The following SPATA6 variants were observed in gnomAD, a reference collection of about 807,000 sequenced individuals.
The protein encoded by SPATA6 is spermatogenesis associated 6.
In SPATA6, 56 loss-of-function variants were observed where a neutral mutation model predicts 65.3. The observed-to-expected ratio is 0.86, with a 90% CI of 0.69 to 1.07. The LOEUF (loss-of-function observed/expected upper bound fraction) is 1.07, where lower values mean the gene tolerates loss of function less well. SPATA6 is among the 50% of genes least tolerant of loss of function. The pLI is 0.00. For synonymous variants in SPATA6, 199 were observed against 213.2 expected, an observed-to-expected ratio of 0.93 and a Z score of 0.58; for missense variants, 590 against 594.8, an observed-to-expected ratio of 0.99 and a Z score of 0.08.
At chr1:48,322,322 G>A (rs778149667) in intron 11 of SPATA6, among the ~76,000 whole-genome samples, 13 of 152,156 alleles carry the variant, frequency 8.5e-5, no homozygotes, top group Non-Finnish European at 1.6e-4. Flanking sequence ...ATAGGGAAAT[G>A]ATTCCCTATA....
chr1:48,413,230 A>G (rs1186233548), intron 3 of SPATA6, 79 bp from the exon 4 acceptor site: 4 of 670,774 alleles, frequency 6.0e-6, no homozygotes, highest in Non-Finnish European at 9.0e-6. Context: ...GGGAGTGTCT[A>G]AAAGCCAAAG....
intron 9 of SPATA6, among the ~76,000 whole-genome samples, chr1:48,371,221 G>C (rs1047899285): frequency 1.3e-5 from 2 of 151,964 alleles, no homozygotes; most frequent in African/African-American, 2.4e-5. Context: ...ACAGGTGCTG[G>C]AAACAGCATT....
intron 9 of SPATA6, among the ~76,000 whole-genome samples, chr1:48,381,305 T>C (rs1052407055): frequency 6.6e-6 from 1 of 152,146 alleles, no homozygotes; most frequent in African/African-American, 2.4e-5. Context: ...AATCCTTAGA[T>C]AGATGGCAAA....
chr1:48,355,152 G>A (rs1253828531), intron 11 of SPATA6, among the ~76,000 whole-genome samples: 1 of 152,058 alleles, frequency 6.6e-6, no homozygotes, highest in Non-Finnish European at 1.5e-5. Flanking sequence ...ATGCTTATCT[G>A]CTTTTTCTCA....
chr1:48,352,596 G>A (rs1646541673), intron 11 of SPATA6, among the ~76,000 whole-genome samples: 2 of 151,962 alleles, frequency 1.3e-5, no homozygotes, highest in Admixed American at 1.3e-4. Flanking sequence ...ACATTTTAAA[G>A]ATTTTTATAT....
chr1:48,278,979 T>C, the SPATA6 span, among the ~76,000 whole-genome samples: 81 of 152,260 alleles, frequency 5.3e-4, no homozygotes, highest in African/African-American at 1.9e-3. Context: ...TAACAGCGGA[T>C]CTCTCGGCAG....
chr1:48,265,083 T>C, the SPATA6 span, among the ~76,000 whole-genome samples: 3 of 152,150 alleles, frequency 2.0e-5, no homozygotes, highest in Non-Finnish European at 2.9e-5. Flanking sequence ...GAATCCTTCA[T>C]CATATCTTTC....
intron 5 of SPATA6, among the ~76,000 whole-genome samples, chr1:48,405,485 T>G (rs1651615141): frequency 1.3e-5 from 2 of 152,184 alleles, no homozygotes; most frequent in Non-Finnish European, 2.9e-5. Flanking sequence ...ACTGAAAACT[T>G]GACTGGAGTT....
intron 5 of SPATA6, among the ~76,000 whole-genome samples, chr1:48,409,937 A>G (rs1652058179): frequency 1.3e-5 from 2 of 152,232 alleles, no homozygotes; most frequent in South Asian, 4.1e-4. Flanking sequence ...GGTCTCTGAC[A>G]TGCCCTGGAG....
chr1:48,345,528 A>G (rs1646339681), intron 11 of SPATA6, among the ~76,000 whole-genome samples: 2 of 152,084 alleles, frequency 1.3e-5, no homozygotes, highest in Admixed American at 6.6e-5. Flanking sequence ...GACACGAAAA[A>G]CCATTCAAAA....
chr1:48,370,391 G>C lies in SPATA6; in HGVS notation c.910-10621C>G, dbSNP rs539439411. On this transcript the variant is annotated intron_variant, in intron 9 of 12. Coordinates refer to ENST00000371847, the MANE Select transcript of SPATA6 (RefSeq NM_019073.4). ...TATGGTTCTGAAAGGGGAAAAAGTA[G>C]ATATGGGTAACTGAAATCACTTTCT... Among the ~76,000 whole-genome samples, 4 of 152,332 alleles carry C rather than the reference G, an allele frequency of 2.6e-5. No individual in the cohort carries two copies. In the South Asian group the frequency reaches 6.2e-4, roughly 24 times the overall value.
At position 48,341,659 on chromosome 1, in the gene SPATA6, A is replaced by G. The variant is rs186981771; in HGVS notation, c.1194+14011T>C. 3.2e-3 allele frequency among the ~76,000 whole-genome samples: 494 copies of G among 152,328 alleles called. 4 individuals carry two copies. The highest frequency in any genetic ancestry group is 5.3e-3 in the Non-Finnish European group (361 of 68,022). On this transcript the variant is annotated intron_variant, in intron 11 of 12. Coordinates refer to ENST00000371847, the MANE Select transcript of SPATA6 (RefSeq NM_019073.4). ...AAGTTCTTGACTTGGAAAGAAAAAA[A>G]CATGGTTTCTGAGAGTGCTATAATC... is the stretch of plus-strand genomic sequence containing the variant.
At chr1:48,336,235 A>G (rs1342193023) in intron 11 of SPATA6, among the ~76,000 whole-genome samples, 1 of 152,030 alleles carries the variant, frequency 6.6e-6, no homozygotes, top group Non-Finnish European at 1.5e-5. Flanking sequence ...CTTCTCAAAA[A>G]CCTAAAACAG....
At chr1:48,356,198 AGAT>A (rs977973126) in intron 10 of SPATA6, among the ~76,000 whole-genome samples, 1 of 152,170 alleles carries the variant, frequency 6.6e-6, no homozygotes, top group Non-Finnish European at 1.5e-5. Context: ...TTTTCAACAC[AGAT>A]GATATTATCT....
rs972898838 is a variant in SPATA6 at position 48,325,625 on chromosome 1, G to C, written c.1195-19747C>G. 6.8e-6 allele frequency: 5 copies of C among 738,866 alleles called. No individual in the cohort carries two copies. The African/African-American group carries it at 8.8e-5, about 13-fold the overall frequency. 45.8% of individuals were successfully genotyped at this position (738,866 alleles called of 1,614,324 possible). ...CTTGTTGTGGGCAGTGTTGAACTATGTCAGGTTATCAAGCTTAGTTTCCTC... is the reference window on the plus strand; with the variant it reads ...CTTGTTGTGGGCAGTGTTGAACTATCTCAGGTTATCAAGCTTAGTTTCCTC... On this transcript the variant is annotated intron_variant, in intron 11 of 12. Coordinates refer to ENST00000371847, the MANE Select transcript of SPATA6 (RefSeq NM_019073.4).
At chr1:48,267,971 T>G in the SPATA6 span, among the ~76,000 whole-genome samples, 66 of 152,036 alleles carry the variant, frequency 4.3e-4, no homozygotes, top group Non-Finnish European at 9.0e-4. Flanking sequence ...CAGGATGGTC[T>G]CGATCTCCTG....
chr1:48,312,602 CA>C (rs1199061933), intron 11 of SPATA6, among the ~76,000 whole-genome samples: 4 of 152,158 alleles, frequency 2.6e-5, no homozygotes, highest in African/African-American at 7.2e-5. Flanking sequence ...GGGGAAAAAA[CA>C]GAGCAGAAAA....
chr1:48,310,833 A>G (rs1218437004), intron 11 of SPATA6, among the ~76,000 whole-genome samples: 1 of 152,204 alleles, frequency 6.6e-6, no homozygotes, highest in Non-Finnish European at 1.5e-5. Flanking sequence ...AGGCTATAAA[A>G]CAAGTTTCAA....
chr1:48,286,598 C>T, the SPATA6 span, among the ~76,000 whole-genome samples: 2 of 152,082 alleles, frequency 1.3e-5, no homozygotes, highest in South Asian at 2.1e-4. Context: ...CAAATGCAAA[C>T]AGAGATAATT....
Sources: gnomAD v4.1 joint callset for allele counts (sites outside exome capture counted in the v4.1 genomes callset) on GRCh38, gnomAD v4.1.1 for gene constraint, MANE v1.5 for transcripts, NCBI Gene and HGNC (gene_info 2026-07-23, HGNC 2026-07-21) for gene names.